Variants in CA5A observed in about 807,000 individuals in gnomAD.
CA5A encodes carbonic anhydrase 5A.
In CA5A, 28 loss-of-function variants were observed where a neutral mutation model predicts 37.1. The ratio of observed to expected loss-of-function variants is 0.75; its 90% CI spans 0.56 to 1.03. CA5A has a LOEUF of 1.03. CA5A is among the 50% of genes least tolerant of loss of function. CA5A has a pLI of 0.00. For synonymous variants in CA5A, 171 were observed against 158.4 expected, an observed-to-expected ratio of 1.08 and a Z score of -0.60; for missense variants, 444 against 399.9, an observed-to-expected ratio of 1.11 and a Z score of -0.94.
chr16:87,926,023 G>A (rs544218241), intron 2 of CA5A, among the ~76,000 whole-genome samples: 2 of 152,292 alleles, frequency 1.3e-5, no homozygotes, highest in South Asian at 4.1e-4. Flanking sequence ...AGGGGTTCGA[G>A]AGCAGCCTGG....
rs1295048155 is a variant in CA5A, at chr16:87,926,790, A to T, written c.298T>A (p.Tyr100Asn). 1 of 1,614,168 alleles carries T rather than the reference A, an allele frequency of 6.2e-7. No individual in the cohort carries two copies. The highest frequency in any genetic ancestry group is 1.7e-5 in the Admixed American group (1 of 60,034). ...ASCLYIWNTG[Y>N]LFQVEFDDAT... is the part of the protein sequence containing the mutation. ...TCGTCAAATTCCACCTGGAAGAGGTAGCCAGTGTTCCAGATGTACAGGCAG... is the reference window on the plus strand; with the variant it reads ...TCGTCAAATTCCACCTGGAAGAGGTTGCCAGTGTTCCAGATGTACAGGCAG... The change falls in exon 2 of 7, where the codon TAC becomes AAC. Residue 100 changes from tyrosine to asparagine, a missense_variant. Coordinates refer to ENST00000649794, the MANE Select transcript of CA5A (RefSeq NM_001739.2).
intron 2 of CA5A, chr16:87,924,311 A>G (rs1167780134): frequency 3.0e-6 from 3 of 985,422 alleles, no homozygotes; most frequent in Non-Finnish European, 3.6e-6. Context: ...GGCACTGAGC[A>G]TACAGGCAGC....
intron 2 of CA5A, among the ~76,000 whole-genome samples, chr16:87,907,731 C>G (rs1008901975): frequency 2.0e-5 from 3 of 152,132 alleles, no homozygotes; most frequent in Admixed American, 6.5e-5. Flanking sequence ...TCAAGACCAG[C>G]CTGACCAACA....
chr16:87,898,662 C>T (rs1441471921), intron 5 of CA5A, among the ~76,000 whole-genome samples: 5 of 151,846 alleles, frequency 3.3e-5, no homozygotes, highest in South Asian at 2.1e-4. Context: ...AACTCAACTG[C>T]ACATTTCACC....
intron 5 of CA5A, among the ~76,000 whole-genome samples, chr16:87,898,838 G>A (rs948589312): frequency 4.6e-5 from 7 of 150,920 alleles, no homozygotes; most frequent in Non-Finnish European, 1.0e-4. Context: ...GGGTTCAAGC[G>A]ATTCTCCTGC....
chr16:87,917,790 A>G (rs921873982), intron 2 of CA5A, among the ~76,000 whole-genome samples: 2 of 144,686 alleles, frequency 1.4e-5, no homozygotes, highest in Non-Finnish European at 3.0e-5. Context: ...GCACACATGT[A>G]TACACAGTGC....
At chr16:87,933,112 G>T (rs1352995181) in intron 1 of CA5A, among the ~76,000 whole-genome samples, 1 of 152,172 alleles carries the variant, frequency 6.6e-6, no homozygotes, top group African/African-American at 2.4e-5. Context: ...GGAGCCAAAT[G>T]CAAGAAGACT....
chr16:87,929,451 CAA>C (rs138039345), intron 1 of CA5A, among the ~76,000 whole-genome samples: 24 of 88,120 alleles, frequency 2.7e-4, no homozygotes, highest in African/African-American at 3.0e-4. Flanking sequence ...AATTCGGTCT[CAA>C]AAAAAAAAAA....
At chr16:87,904,598 G>T (rs564467747) in intron 3 of CA5A, among the ~76,000 whole-genome samples, 188 bp downstream of exon 3, 7 of 152,192 alleles carry the variant, frequency 4.6e-5, no homozygotes, top group Non-Finnish European at 8.8e-5. Flanking sequence ...AACTTACAGC[G>T]CCTTCCTCGT....
chr16:87,893,142 C>CTTTT (rs201442456), intron 5 of CA5A: 7 of 478,074 alleles, frequency 1.5e-5, no homozygotes, highest in Non-Finnish European at 2.2e-5. Flanking sequence ...TTCTTTCTTT[C>CTTTT]TTTCTTTTTT....
intron 6 of CA5A, among the ~76,000 whole-genome samples, chr16:87,888,495 C>T (rs923445434): frequency 2.6e-5 from 4 of 152,084 alleles, no homozygotes; most frequent in African/African-American, 9.7e-5. Flanking sequence ...GGAAGCTGGT[C>T]GCCATATTGG....
chr16:87,904,274 G>A (rs998235679), intron 3 of CA5A, among the ~76,000 whole-genome samples: 21 of 151,938 alleles, frequency 1.4e-4, no homozygotes, highest in African/African-American at 1.7e-4. Flanking sequence ...CCTGGGAGAC[G>A]GAGGTTGTGG....
At chr16:87,910,612 C>G (rs76294533) in intron 2 of CA5A, among the ~76,000 whole-genome samples, 2 of 152,092 alleles carry the variant, frequency 1.3e-5, no homozygotes, top group African/African-American at 4.8e-5. Context: ...GAGTCTCACT[C>G]TGTTACCCAG....
chr16:87,928,646 T>A (rs1250092188), intron 1 of CA5A, among the ~76,000 whole-genome samples: 5 of 152,104 alleles, frequency 3.3e-5, no homozygotes, highest in African/African-American at 1.2e-4. Flanking sequence ...ATTTTTAAAA[T>A]CCATTATTTG....
At chr16:87,893,744 G>C in intron 5 of CA5A, 2 of 472,046 alleles carry the variant, frequency 4.2e-6, no homozygotes, top group Admixed American at 4.9e-5. Flanking sequence ...AGTAAAATCA[G>C]AGAGGATTAT....
intron 2 of CA5A, among the ~76,000 whole-genome samples, chr16:87,912,156 G>T (rs111996969): frequency 1.2e-4 from 19 of 152,184 alleles, no homozygotes; most frequent in Admixed American, 6.5e-4. Context: ...ACAAAAATTA[G>T]CTGGGCGTGG....
chr16:87,927,880 G>C (rs2056335245), intron 1 of CA5A, among the ~76,000 whole-genome samples: 1 of 149,106 alleles, frequency 6.7e-6, no homozygotes, highest in African/African-American at 2.5e-5. Flanking sequence ...AAAAAATGCA[G>C]AAAAGCTTAT....
intron 5 of CA5A, among the ~76,000 whole-genome samples, chr16:87,899,779 G>A (rs542487128): frequency 6.6e-6 from 1 of 150,934 alleles, no homozygotes; most frequent in African/African-American, 2.4e-5. Flanking sequence ...AATTAGCCAG[G>A]CATGGTGGTG....
At chr16:87,909,192 C>G (rs2056011064) in intron 2 of CA5A, among the ~76,000 whole-genome samples, 1 of 152,150 alleles carries the variant, frequency 6.6e-6, no homozygotes, top group African/African-American at 2.4e-5. Context: ...TCTCTACTCA[C>G]TGGAGTAAGA....
Sources: allele counts gnomAD v4.1 joint callset (sites outside exome capture counted in the v4.1 genomes callset), GRCh38; gene constraint gnomAD v4.1.1; transcripts MANE v1.5; gene names NCBI Gene and HGNC (gene_info 2026-07-23, HGNC 2026-07-21).